PTPRF: variants seen among roughly 807,000 people sequenced by gnomAD.
The protein encoded by PTPRF is protein tyrosine phosphatase receptor type F.
In PTPRF, 59 loss-of-function variants were observed where a neutral mutation model predicts 201.8. The ratio of observed to expected loss-of-function variants is 0.29; its 90% CI spans 0.24 to 0.36. PTPRF has a LOEUF of 0.36. PTPRF is among the 10% of genes least tolerant of loss of function. The probability of loss-of-function intolerance (pLI) is 1.00; values close to 1 mark genes in which losing one functional copy is unlikely to be tolerated. For missense variants in PTPRF, 2,132 were observed against 2,690.5 expected (o/e 0.79, Z 4.59); for synonymous variants, 1,088 against 1,089.7 (o/e 1.00, Z 0.03).
Position 43,588,924 on chromosome 1 carries a change from A to G in PTPRF, c.873A>G (p.Val291=). 2 of 1,607,870 alleles carry G rather than the reference A, an allele frequency of 1.2e-6. No homozygotes were observed. The highest frequency in any genetic ancestry group is 1.7e-6 in the Non-Finnish European group (2 of 1,175,632). The part of the protein sequence containing the change: ...GRNVLELSNV[V]RSANYTCVAI... The stretch of plus-strand genomic sequence containing the variant: ...ACGTCCTGGAGCTCAGCAATGTCGT[A>G]CGCTCTGCCAACTACACCTGTGTGG... The change falls in exon 8 of 34, where the codon GTA becomes GTG. Residue 291 remains valine, a synonymous_variant. Coordinates refer to ENST00000359947, the MANE Select transcript of PTPRF (RefSeq NM_002840.5). The surrounding 1 kb of genome is among the most constrained non-coding windows in gnomAD (Gnocchi z 5.3).
chr1:43,592,602 G>C lies in PTPRF; in HGVS notation c.1813+1G>C. 1 of 1,582,066 alleles carries C rather than the reference G, an allele frequency of 6.3e-7. No homozygotes were observed. On this transcript the variant is annotated splice_donor_variant, in intron 11 of 33. Transcript: ENST00000359947. LOFTEE classifies it high-confidence loss of function. ...ATTGAGGCCCGCACAGCCCAGTCCA[G>C]TAAGTGTCTCCCAAGTCCGCTGCCT... is the stretch of plus-strand genomic sequence containing the variant.
intron 23 of PTPRF, 120 bp from the exon 24 acceptor site, chr1:43,617,325 C>A: frequency 7.1e-7 from 1 of 1,412,750 alleles, no homozygotes; most frequent in Non-Finnish European, 9.7e-7. Flanking sequence ...GAGGGCCTGG[C>A]TGTGGCCTGT....
rs777362958 is a variant in PTPRF, at chr1:43,597,838, G to C, written c.1904G>C (p.Arg635Pro). ...VSWVPPPADSRNGVITQYSVA... is the reference protein window; with the variant it reads ...VSWVPPPADSPNGVITQYSVA... Reference sequence around the variant, plus strand: ...TGGGTCCCGCCGCCTGCCGACAGCCGCAACGGCGTTATCACCCAGTACTCC... The same window carrying C: ...TGGGTCCCGCCGCCTGCCGACAGCCCCAACGGCGTTATCACCCAGTACTCC... The change falls in exon 12 of 34, where the codon CGC (arginine) becomes CCC (proline). Residue 635 changes from arginine (R) to proline (P), a missense_variant. Physicochemically the swap from Arg to Pro is moderately radical, Grantham distance 103. Around this residue, in one of 6 missense-constraint regions of PTPRF, gnomAD observed 125 missense variants for 211.9 expected, o/e 0.59. Coordinates refer to ENST00000359947, the MANE Select transcript of PTPRF (RefSeq NM_002840.5). 1.2e-6 allele frequency: 2 copies of C among 1,607,726 alleles called. No homozygotes were observed. Among genetic ancestry groups the C allele is most frequent in the Non-Finnish European group, 1.7e-6 (2 of 1,177,736 alleles).
Position 43,586,247 on chromosome 1 carries a change from A to G in PTPRF, c.680-2484A>G, listed in dbSNP as rs542743891. Among the ~76,000 whole-genome samples the G allele has an allele frequency of 2.6e-5, 4 of 152,300 alleles. No individual in the cohort carries two copies. The East Asian group carries it at 7.7e-4, about 29-fold the overall frequency. ...GACAGGGCACCCACTGGCCGAGAGG[A>G]CAGGAGAGATTTAGTTCATTAAGGC... On this transcript the variant is annotated intron_variant, in intron 7 of 33. Transcript: ENST00000359947.
At chr1:43,609,107 A>G (rs964490944) in intron 21 of PTPRF, among the ~76,000 whole-genome samples, 2 of 152,044 alleles carry the variant, frequency 1.3e-5, no homozygotes, top group African/African-American at 4.8e-5. Flanking sequence ...CTTCTATCCA[A>G]AGGAGCTGCT....
upstream of PTPRF, among the ~76,000 whole-genome samples, chr1:43,526,439 AT>A (rs570011163): frequency 0.023 from 3,419 of 147,972 alleles, 60 homozygotes; most frequent in Non-Finnish European, 0.033. Context: ...TACAAAAAAA[AT>A]TTTTTTTTTT....
Position 43,607,091 on chromosome 1 carries a change from G to A in PTPRF, c.3857+123G>A. On this transcript the variant is annotated intron_variant, in intron 21 of 33. Transcript: ENST00000359947. The stretch of plus-strand genomic sequence containing the variant: ...TCCTGGACCCTGAGCCTCAGGCTCA[G>A]CAGGAAGGCAGGAAGGGCAGGAGCA... The A allele has an allele frequency of 2.4e-6, 3 of 1,266,778 alleles. No homozygotes were observed. The South Asian group carries it at 4.1e-5, about 17-fold the overall frequency. The allele number at this position is 1,266,778 out of a possible 1,614,324, so 78.5% of individuals were successfully genotyped here. A position where few individuals can be genotyped will look rare whatever the true frequency, so the allele number is the denominator to read the frequency against.
At position 43,541,105 on chromosome 1, in the gene PTPRF, C is replaced by T. The variant is rs184962794; in HGVS notation, c.-46+2828C>T. Among the ~76,000 whole-genome samples, 302 of 152,324 alleles carry T rather than the reference C, an allele frequency of 2.0e-3. 3 individuals carry two copies. Among genetic ancestry groups the T allele is most frequent in the African/African-American group, 7.0e-3 (292 of 41,572 alleles). ...CCAAGTGCTGGCCTTTCCTCTTGGC[C>T]GTCTGCTCTGTAGGGCCCTGGATAC... On this transcript the variant is annotated intron_variant, in intron 2 of 33. Transcript: ENST00000359947.
At chr1:43,557,898 T>C (rs905793414) in intron 5 of PTPRF, among the ~76,000 whole-genome samples, 4 of 152,068 alleles carry the variant, frequency 2.6e-5, no homozygotes, top group Non-Finnish European at 4.4e-5. Flanking sequence ...TTGGCCAGCA[T>C]TGGGCTTGAC....
Position 43,591,145 on chromosome 1 carries a change from A to G in PTPRF, c.1123A>G (p.Ser375Gly), listed in dbSNP as rs1212415516. The change falls in exon 9 of 34, where the codon AGC becomes GGC. Residue 375 changes from serine to glycine, a missense_variant. Physicochemically the swap from Ser to Gly is moderately conservative, Grantham distance 56. Coordinates refer to ENST00000359947, the MANE Select transcript of PTPRF (RefSeq NM_002840.5). ...GGATGGTGTGGCCACCACCCGCTAC[A>G]GCATTGGCGGCCTCAGCCCTTTCTC... ...EVDGVATTRY[S>G]IGGLSPFSEY... is the part of the protein sequence containing the mutation. The G allele has an allele frequency of 5.0e-6, 8 of 1,613,526 alleles. No individual in the cohort carries two copies. The highest frequency in any genetic ancestry group is 6.8e-6 in the Non-Finnish European group (8 of 1,180,004).
Position 43,553,372 on chromosome 1 carries a change from G to T in PTPRF, c.92-120G>T, listed in dbSNP as rs1645152348. ...TGGCACATACTAAGCGCTACATAAA[G>T]GTGAGGTGTCCTTGTTTTCTTTGTA... On this transcript the variant is annotated intron_variant, in intron 3 of 33. Coordinates refer to ENST00000359947, the MANE Select transcript of PTPRF (RefSeq NM_002840.5). This position sits in a 1 kb window ranked among gnomAD's most constrained non-coding sequence, Gnocchi z 4.1. 3.5e-6 allele frequency: 4 copies of T among 1,140,926 alleles called. No homozygotes were observed. The Admixed American group carries it at 6.6e-5, about 19-fold the overall frequency. 70.7% of individuals were successfully genotyped at this position (1,140,926 alleles called of 1,614,324 possible).
intron 11 of PTPRF, among the ~76,000 whole-genome samples, chr1:43,596,896 G>C (rs537800153): frequency 8.9e-4 from 136 of 152,372 alleles, no homozygotes; most frequent in Non-Finnish European, 1.6e-3. Flanking sequence ...TTGTGTGTGA[G>C]AGTGTGTGTC....
At chr1:43,596,484 T>C (rs1414784251) in intron 11 of PTPRF, among the ~76,000 whole-genome samples, 1 of 152,046 alleles carries the variant, frequency 6.6e-6, no homozygotes, top group Non-Finnish European at 1.5e-5. Flanking sequence ...GACACATCAC[T>C]GGACACAAGG....
chr1:43,577,944 G>A (rs1190224896), intron 6 of PTPRF, among the ~76,000 whole-genome samples: 1 of 152,170 alleles, frequency 6.6e-6, no homozygotes, highest in Non-Finnish European at 1.5e-5. Flanking sequence ...TGGGGCCAGG[G>A]GACGGCCAAG....
At chr1:43,602,984 A>G (rs1165739575) in intron 14 of PTPRF, among the ~76,000 whole-genome samples, 1 of 152,132 alleles carries the variant, frequency 6.6e-6, no homozygotes, top group Non-Finnish European at 1.5e-5. Context: ...CTGTCTGTGC[A>G]TGCATGCACT....
chr1:43,616,273 G>A (rs938856363), intron 23 of PTPRF, among the ~76,000 whole-genome samples: 2 of 151,068 alleles, frequency 1.3e-5, no homozygotes, highest in Non-Finnish European at 2.9e-5. Flanking sequence ...GGGAATACAT[G>A]CAAAGTGCTC....
At chr1:43,596,194 GGCTCAGT>G (rs1184716217) in intron 11 of PTPRF, among the ~76,000 whole-genome samples, 2 of 152,206 alleles carry the variant, frequency 1.3e-5, no homozygotes, top group Non-Finnish European at 2.9e-5. Context: ...CTGGCGAGCA[GGCTCAGT>G]GCCCGGGGCC....
In PTPRF at chr1:43,620,434, G is replaced by C. The variant is rs367696457; in HGVS notation, c.5239-20G>C. 1 of 1,602,526 alleles carries C rather than the reference G, an allele frequency of 6.2e-7. No homozygotes were observed. The highest frequency in any genetic ancestry group is 8.5e-7 in the Non-Finnish European group (1 of 1,171,594). On this transcript the variant is annotated intron_variant, in intron 30 of 33. Transcript: ENST00000359947. ...TATTCCTTCTCACCTGATTATGGGG[G>C]CCCGACCCTCTGTCCACAGGAGAAA...
chr1:43,588,296 C>T lies in PTPRF; in HGVS notation c.680-435C>T, dbSNP rs1041064842. 3.9e-5 allele frequency among the ~76,000 whole-genome samples: 6 copies of T among 152,172 alleles called. No homozygotes were observed. Among genetic ancestry groups the T allele is most frequent in the African/African-American group, 1.2e-4 (5 of 41,440 alleles). Reference sequence around the variant, plus strand: ...TCTGCCCAGCCATGCTCTGAGGACCCTCCACCCTAGGGCCTGCTTTCTCTC... The same window carrying T: ...TCTGCCCAGCCATGCTCTGAGGACCTTCCACCCTAGGGCCTGCTTTCTCTC... On this transcript the variant is annotated intron_variant, in intron 7 of 33. Coordinates refer to ENST00000359947, the MANE Select transcript of PTPRF (RefSeq NM_002840.5). The surrounding 1 kb of genome is among the most constrained non-coding windows in gnomAD (Gnocchi z 5.3).
Sources: allele counts gnomAD v4.1 joint callset (sites outside exome capture counted in the v4.1 genomes callset), GRCh38; gene constraint gnomAD v4.1.1; regional missense constraint gnomAD v4.1.1; non-coding constraint Gnocchi (gnomAD v3.1); transcripts MANE v1.5; gene names NCBI Gene and HGNC (gene_info 2026-07-23, HGNC 2026-07-21).